The following NOX4 variants were observed in gnomAD, a reference collection of about 807,000 sequenced individuals.
NOX4 encodes the protein NADPH oxidase 4, also known as kidney oxidase-1.
NOX4 carries 69 observed loss-of-function variants against 87.6 expected under a neutral mutation model. The observed-to-expected ratio is 0.79, with a 90% CI of 0.65 to 0.96. NOX4 has a LOEUF of 0.96. Ranked by LOEUF, NOX4 falls within the 40% of genes least tolerant of loss-of-function variation. NOX4 has a pLI of 0.00. For missense variants in NOX4, 680 were observed against 681.5 expected (o/e 1.00, Z 0.02); for synonymous variants, 275 against 238.2 (o/e 1.15, Z -1.42).
chr11:89,405,982 A>G (rs1430938198), intron 8 of NOX4, among the ~76,000 whole-genome samples: 1 of 152,040 alleles, frequency 6.6e-6, no homozygotes, highest in East Asian at 1.9e-4. Flanking sequence ...ATTGAGCAAA[A>G]TTTGATGGCT....
At chr11:89,506,025 G>A in the NOX4 span, among the ~76,000 whole-genome samples, 1 of 151,586 alleles carries the variant, frequency 6.6e-6, no homozygotes, top group South Asian at 2.1e-4. Context: ...GTATATTTAT[G>A]GTATTGATAA....
chr11:89,447,180 T>C lies in NOX4; in HGVS notation c.349+2260A>G, dbSNP rs192787185. 2.7e-3 allele frequency among the ~76,000 whole-genome samples: 415 copies of C among 152,230 alleles called. 6 individuals are homozygous for C. Among genetic ancestry groups the C allele is most frequent in the Non-Finnish European group, 2.2e-3 (153 of 68,018 alleles). On this transcript the variant is annotated intron_variant, in intron 4 of 17. Transcript: ENST00000263317. Reference sequence around the variant, plus strand: ...GTGTGACACAACTATGGCACAGGTATAAAATACTATTTACACAAAACTCTC... The same window carrying C: ...GTGTGACACAACTATGGCACAGGTACAAAATACTATTTACACAAAACTCTC...
chr11:89,480,201 C>A lies in NOX4; in HGVS notation c.153+10257G>T, dbSNP rs7949996. ...TCACGATCCCACTTCAACAGTCACA[C>A]TGCAAAGGTAAAGCATATTGCATGC... is the stretch of plus-strand genomic sequence containing the variant. On this transcript the variant is annotated intron_variant, in intron 2 of 17. Transcript: ENST00000263317. Among the ~76,000 whole-genome samples the A allele has an allele frequency of 8.5e-3, 1,298 of 152,266 alleles. 20 individuals carry two copies. The highest frequency in any genetic ancestry group is 0.029 in the African/African-American group (1,223 of 41,566).
At chr11:89,407,928 G>T (rs1942274844) in intron 8 of NOX4, among the ~76,000 whole-genome samples, 1 of 151,708 alleles carries the variant, frequency 6.6e-6, no homozygotes, top group African/African-American at 2.4e-5. Flanking sequence ...CTTGAAGGAG[G>T]AGAAAAAAAT....
intron 11 of NOX4, among the ~76,000 whole-genome samples, chr11:89,376,269 G>T (rs534183351): frequency 6.6e-5 from 10 of 152,142 alleles, no homozygotes; most frequent in Non-Finnish European, 1.3e-4. Context: ...TTTGCAAGGA[G>T]GCTTCACAGA....
At chr11:89,425,117 GTCAGATGCTCTAATTTTCCT>G (rs1333118627) in intron 7 of NOX4, among the ~76,000 whole-genome samples, 1 of 152,024 alleles carries the variant, frequency 6.6e-6, no homozygotes, top group East Asian at 1.9e-4. Flanking sequence ...AAATAAGTAT[GTCAGATGCTCTAATTTTCCT>G]TCAAGAATTC....
chr11:89,328,036 G>T (rs1265152126), intron 17 of NOX4, among the ~76,000 whole-genome samples: 4 of 152,166 alleles, frequency 2.6e-5, no homozygotes, highest in East Asian at 1.9e-4. Flanking sequence ...TCTGCTGGCT[G>T]CAGCAGACAG....
chr11:89,325,700 G>A lies in NOX4; in HGVS notation c.*1056C>T, dbSNP rs1422480903. 1 of 151,972 alleles carries A rather than the reference G, an allele frequency of 6.6e-6. No homozygotes were observed. The highest frequency in any genetic ancestry group is 6.6e-5 in the Admixed American group (1 of 15,256). 9.4% of individuals were successfully genotyped at this position (151,972 alleles called of 1,614,324 possible). Reference sequence around the variant, plus strand: ...CAATGTCTCCATCATAAACCAATGTGTGGCAAAGGAGATAAATCTTATATT... The same window carrying A: ...CAATGTCTCCATCATAAACCAATGTATGGCAAAGGAGATAAATCTTATATT... On this transcript the variant is annotated 3_prime_UTR_variant, in exon 18 of 18. Coordinates refer to ENST00000263317, the MANE Select transcript of NOX4 (RefSeq NM_016931.5).
At chr11:89,352,545 C>T (rs1946505630) in intron 13 of NOX4, among the ~76,000 whole-genome samples, 1 of 152,118 alleles carries the variant, frequency 6.6e-6, no homozygotes, top group African/African-American at 2.4e-5. Flanking sequence ...CTATTAAGAA[C>T]ATTCATGATT....
At chr11:89,372,055 C>T (rs1278372046) in intron 12 of NOX4, among the ~76,000 whole-genome samples, 1 of 151,722 alleles carries the variant, frequency 6.6e-6, no homozygotes, top group Non-Finnish European at 1.5e-5. Flanking sequence ...CATTTCAAAA[C>T]ACATCTTTCT....
the NOX4 span, among the ~76,000 whole-genome samples, chr11:89,506,930 C>T: frequency 1.3e-5 from 2 of 151,804 alleles, no homozygotes; most frequent in Admixed American, 1.3e-4. Context: ...GTCAGGGAAA[C>T]TGGTATACTC....
At chr11:89,431,786 A>G (rs1211255179) in intron 7 of NOX4, among the ~76,000 whole-genome samples, 1 of 152,214 alleles carries the variant, frequency 6.6e-6, no homozygotes, top group African/African-American at 2.4e-5. Context: ...TGTGGAAGAC[A>G]GTGTGGCGAT....
chr11:89,392,147 G>A (rs1941175922), intron 11 of NOX4, among the ~76,000 whole-genome samples: 2 of 152,044 alleles, frequency 1.3e-5, no homozygotes, highest in Admixed American at 1.3e-4. Flanking sequence ...AGAACCAGAA[G>A]AAATAAGACA....
chr11:89,405,022 A>G (rs1214874382), intron 8 of NOX4, among the ~76,000 whole-genome samples: 1 of 151,436 alleles, frequency 6.6e-6, no homozygotes, highest in African/African-American at 2.4e-5. Flanking sequence ...CGCAAAGCAA[A>G]TCAGATGGTT....
Position 89,451,701 on chromosome 11 carries a change from ACTATG to A in NOX4, c.264+79_264+83del, listed in dbSNP as rs1413229251. ...AGAAATCACTCCAGTCAAAAGTCAG[ACTATG>A]AAAAGTAAACAAACTAACATGCGAC... On this transcript the variant is annotated intron_variant, in intron 3 of 17. Coordinates refer to ENST00000263317, the MANE Select transcript of NOX4 (RefSeq NM_016931.5). 4 of 908,918 alleles carry A rather than the reference ACTATG, an allele frequency of 4.4e-6. No homozygotes were observed. The African/African-American group carries it at 6.5e-5, about 15-fold the overall frequency. 56.3% of individuals were successfully genotyped at this position (908,918 alleles called of 1,614,324 possible).
At chr11:89,574,087 C>T in the NOX4 span, among the ~76,000 whole-genome samples, 5 of 152,178 alleles carry the variant, frequency 3.3e-5, no homozygotes, top group Non-Finnish European at 7.3e-5. Context: ...GAGGTTGTCT[C>T]TCCCTGATGC....
chr11:89,424,499 A>G (rs1418887539), intron 7 of NOX4, among the ~76,000 whole-genome samples: 2 of 151,058 alleles, frequency 1.3e-5, no homozygotes, highest in Non-Finnish European at 2.9e-5. Context: ...TAGAATTAAA[A>G]ATACTTTTGC....
chr11:89,512,527 C>T, the NOX4 span, among the ~76,000 whole-genome samples: 1 of 152,074 alleles, frequency 6.6e-6, no homozygotes, highest in Admixed American at 6.6e-5. Context: ...ATGCTGTATT[C>T]ATCCTTCTGT....
At chr11:89,448,136 A>G (rs77648999) in intron 4 of NOX4, among the ~76,000 whole-genome samples, 3,364 of 152,228 alleles carry the variant, frequency 0.022, 131 homozygotes, top group African/African-American at 0.077. Context: ...TACTAATTCT[A>G]TCCTAAAAAT....
Sources: allele counts gnomAD v4.1 joint callset (sites outside exome capture counted in the v4.1 genomes callset), GRCh38; gene constraint gnomAD v4.1.1; transcripts MANE v1.5; gene names NCBI Gene and HGNC (gene_info 2026-07-23, HGNC 2026-07-21).